The following MAN2A1 variants were observed in gnomAD, a reference collection of about 807,000 sequenced individuals.
The protein encoded by MAN2A1 is mannosidase alpha class 2A member 1.
A neutral mutation model predicts 142.6 loss-of-function variants in MAN2A1; 76 were observed. The observed-to-expected ratio is 0.53, with a 90% CI of 0.44 to 0.65. The LOEUF is 0.65. Among genes scored for constraint, MAN2A1 ranks in the 30% least tolerant of loss-of-function variants. The pLI is 0.00. For synonymous variants in MAN2A1, 559 were observed against 473.2 expected (o/e 1.18, Z -2.35); for missense variants, 1,311 against 1,365.1 (o/e 0.96, Z 0.62).
At chr5:109,823,327 G>T (rs374655378) in intron 15 of MAN2A1, among the ~76,000 whole-genome samples, 3 of 152,216 alleles carry the variant, frequency 2.0e-5, no homozygotes, top group Admixed American at 6.5e-5. Context: ...CTTGCCACCT[G>T]TCCCAAACCC....
intron 12 of MAN2A1, among the ~76,000 whole-genome samples, chr5:109,816,133 A>G (rs765725414): frequency 1.1e-4 from 16 of 152,236 alleles, no homozygotes; most frequent in Non-Finnish European, 2.1e-4. Flanking sequence ...TGCTAGTAAG[A>G]AAATCAAGGC....
At chr5:109,818,918 A>C (rs1333672734) in intron 13 of MAN2A1, among the ~76,000 whole-genome samples, 1 of 152,320 alleles carries the variant, frequency 6.6e-6, no homozygotes, top group African/African-American at 2.4e-5. Flanking sequence ...TCTGTAGAGG[A>C]CTGGTCCCAG....
At position 109,865,609 on chromosome 5, in the gene MAN2A1, C is replaced by A. The variant is rs556236737; in HGVS notation, c.3282+463C>A. 7.2e-5 allele frequency among the ~76,000 whole-genome samples: 11 copies of A among 152,312 alleles called. No homozygotes were observed. The South Asian group carries it at 2.1e-3, about 29-fold the overall frequency. ...GACTGTAGGCTAGTGGGATAATCCA[C>A]CCACAGCCCAGGAGGCAGCTGTACG... On this transcript the variant is annotated intron_variant, in intron 21 of 21. Coordinates refer to ENST00000261483, the MANE Select transcript of MAN2A1 (RefSeq NM_002372.4).
At chr5:109,733,855 A>G (rs1752000585) in intron 4 of MAN2A1, among the ~76,000 whole-genome samples, 1 of 152,180 alleles carries the variant, frequency 6.6e-6, no homozygotes, top group Non-Finnish European at 1.5e-5. Flanking sequence ...AGGCTTTGGT[A>G]TCAGGATGAT....
chr5:109,729,302 A>G (rs1751832988), intron 3 of MAN2A1, 40 bp from the exon 4 acceptor site: 1 of 1,377,352 alleles, frequency 7.3e-7, no homozygotes, highest in African/African-American at 1.5e-5. Flanking sequence ...AATCAGCCAT[A>G]CGAATTAGAC....
chr5:109,805,978 G>A (rs1754153736), intron 12 of MAN2A1, among the ~76,000 whole-genome samples: 1 of 152,102 alleles, frequency 6.6e-6, no homozygotes, highest in South Asian at 2.1e-4. Context: ...TGAAACAACC[G>A]CTTGTGTTGT....
chr5:109,729,732 G>C (rs906819763), intron 4 of MAN2A1, among the ~76,000 whole-genome samples: 6 of 152,098 alleles, frequency 3.9e-5, no homozygotes, highest in African/African-American at 1.4e-4. Context: ...GTGGCTTACT[G>C]CTGTAATCCT....
chr5:109,798,331 G>T (rs753651098), intron 12 of MAN2A1, among the ~76,000 whole-genome samples: 1 of 152,182 alleles, frequency 6.6e-6, no homozygotes, highest in Non-Finnish European at 1.5e-5. Context: ...CTTACTATCA[G>T]TGTACTGTTA....
intron 12 of MAN2A1, among the ~76,000 whole-genome samples, chr5:109,797,600 A>T (rs1175699810): frequency 1.3e-5 from 2 of 152,158 alleles, no homozygotes; most frequent in Non-Finnish European, 2.9e-5. Flanking sequence ...CAAAAGAATT[A>T]AAAAACTTTA....
chr5:109,833,149 G>T (rs1754967938), intron 16 of MAN2A1, among the ~76,000 whole-genome samples: 2 of 151,562 alleles, frequency 1.3e-5, no homozygotes, highest in Non-Finnish European at 2.9e-5. Flanking sequence ...TCCCAGAGGG[G>T]ATGGCGGCTG....
At chr5:109,757,510 A>G (rs1354546386) in intron 5 of MAN2A1, among the ~76,000 whole-genome samples, 2 of 152,176 alleles carry the variant, frequency 1.3e-5, no homozygotes, top group African/African-American at 2.4e-5. Context: ...ATTTATTAGT[A>G]TATGAACTCA....
chr5:109,862,918 T>G (rs376470164), intron 20 of MAN2A1: 1 of 152,232 alleles, frequency 6.6e-6, no homozygotes, highest in Non-Finnish European at 1.5e-5. Flanking sequence ...TTTTTATGAC[T>G]TTTATCTCTA....
At chr5:109,735,993 C>T (rs6880336) in intron 4 of MAN2A1, among the ~76,000 whole-genome samples, 12,800 of 147,812 alleles carry the variant, frequency 0.087, 633 homozygotes, top group African/African-American at 0.15. Flanking sequence ...ACTACCTCAT[C>T]CAAAGGGGCT....
intron 3 of MAN2A1, among the ~76,000 whole-genome samples, chr5:109,725,167 G>T (rs561286228): frequency 2.3e-4 from 35 of 152,166 alleles, no homozygotes; most frequent in Non-Finnish European, 3.4e-4. Context: ...ATAAATCAAA[G>T]AAATAAATTA....
chr5:109,825,614 G>C (rs1580291919), intron 16 of MAN2A1, among the ~76,000 whole-genome samples: 1 of 152,156 alleles, frequency 6.6e-6, no homozygotes, highest in African/African-American at 2.4e-5. Context: ...CTTAGTGCTT[G>C]ACTTGGAAAT....
chr5:109,784,065 T>G (rs1025989273), intron 9 of MAN2A1, among the ~76,000 whole-genome samples: 1 of 152,122 alleles, frequency 6.6e-6, no homozygotes, highest in Admixed American at 6.6e-5. Flanking sequence ...CAGGCTGGTC[T>G]TGAACTCCTG....
intron 16 of MAN2A1, among the ~76,000 whole-genome samples, chr5:109,828,951 C>A (rs1254276252): frequency 6.6e-6 from 1 of 151,876 alleles, no homozygotes; most frequent in Non-Finnish European, 1.5e-5. Flanking sequence ...GGATTTATAA[C>A]CTGACTCTTG....
At chr5:109,815,842 C>T (rs941446260) in intron 12 of MAN2A1, among the ~76,000 whole-genome samples, 3 of 152,110 alleles carry the variant, frequency 2.0e-5, no homozygotes, top group Non-Finnish European at 4.4e-5. Context: ...TGGTTGTTAT[C>T]CAACTATTCA....
At chr5:109,843,708 G>C (rs927444985) in intron 17 of MAN2A1, among the ~76,000 whole-genome samples, 1 of 151,912 alleles carries the variant, frequency 6.6e-6, no homozygotes, top group African/African-American at 2.4e-5. Context: ...TCAAATTGTA[G>C]TAAGGAAATT....
Sources: allele counts gnomAD v4.1 joint callset (sites outside exome capture counted in the v4.1 genomes callset), GRCh38; gene constraint gnomAD v4.1.1; transcripts MANE v1.5; gene names NCBI Gene and HGNC (gene_info 2026-07-23, HGNC 2026-07-21).